PLPPR1: variants seen among roughly 807,000 people sequenced by gnomAD.
The protein encoded by PLPPR1 is phospholipid phosphatase related 1.
A neutral mutation model predicts 33.1 loss-of-function variants in PLPPR1; 10 were observed. The observed-to-expected ratio is 0.30, with a 90% CI of 0.19 to 0.51. The LOEUF is 0.51. Ranked by LOEUF, PLPPR1 falls within the 20% of genes least tolerant of loss-of-function variation. PLPPR1 has a pLI of 0.97. For synonymous variants in PLPPR1, 151 were observed against 151.0 expected (o/e 1.00, Z 0.00); for missense variants, 304 against 408.1 (o/e 0.74, Z 2.20).
At chr9:101,287,811 A>T (rs1238051916) in intron 4 of PLPPR1, among the ~76,000 whole-genome samples, 1 of 152,060 alleles carries the variant, frequency 6.6e-6, no homozygotes, top group Non-Finnish European at 1.5e-5. Flanking sequence ...CCTGTAACGT[A>T]TTTCATAGTC....
At chr9:101,104,637 TG>T (rs1365381851) in intron 1 of PLPPR1, among the ~76,000 whole-genome samples, 2 of 111,322 alleles carry the variant, frequency 1.8e-5, no homozygotes, top group African/African-American at 3.9e-5. Flanking sequence ...TGCCCGGCTT[TG>T]GTATCAGAAT....
intron 7 of PLPPR1, among the ~76,000 whole-genome samples, chr9:101,321,741 T>C (rs1042178582): frequency 6.7e-6 from 1 of 148,266 alleles, no homozygotes; most frequent in African/African-American, 2.4e-5. Context: ...ATATATATAA[T>C]TATATAAAAT....
chr9:101,317,745 A>G (rs549280438), intron 7 of PLPPR1, among the ~76,000 whole-genome samples: 3 of 152,336 alleles, frequency 2.0e-5, no homozygotes, highest in East Asian at 3.9e-4. Context: ...TAGCTGTTTC[A>G]GGATACTTTG....
intron 2 of PLPPR1, among the ~76,000 whole-genome samples, chr9:101,195,618 C>T (rs1418896297): frequency 6.6e-6 from 1 of 152,066 alleles, no homozygotes; most frequent in Non-Finnish European, 1.5e-5. Flanking sequence ...TTCCTTATGA[C>T]TCTGAATACC....
intron 1 of PLPPR1, among the ~76,000 whole-genome samples, chr9:101,044,398 A>G (rs1295847632): frequency 1.3e-5 from 2 of 152,128 alleles, no homozygotes; most frequent in African/African-American, 4.8e-5. Context: ...GTGTGCTGTA[A>G]AGAGTGTGAG....
chr9:101,191,954 T>A (rs1826303735), intron 2 of PLPPR1, among the ~76,000 whole-genome samples: 1 of 152,192 alleles, frequency 6.6e-6, no homozygotes. Context: ...TTATTGCCTA[T>A]TTTTGACAAC....
intron 5 of PLPPR1, among the ~76,000 whole-genome samples, chr9:101,311,181 A>C (rs943567858): frequency 6.6e-6 from 1 of 152,210 alleles, no homozygotes; most frequent in Non-Finnish European, 1.5e-5. Flanking sequence ...ATAATAAACT[A>C]CTGTCTCAAC....
At chr9:101,078,191 G>GGA (rs1199199025) in intron 1 of PLPPR1, among the ~76,000 whole-genome samples, 1 of 21,036 alleles carries the variant, frequency 4.8e-5, no homozygotes, top group African/African-American at 2.4e-4. Flanking sequence ...AGAAGAGGAG[G>GGA]GGGGGAGGGG....
intron 1 of PLPPR1, among the ~76,000 whole-genome samples, chr9:101,051,350 A>G (rs576154238): frequency 6.6e-6 from 1 of 151,946 alleles, no homozygotes; most frequent in Non-Finnish European, 1.5e-5. Context: ...TTATTGCCCC[A>G]TTACTCAACA....
chr9:101,158,766 C>G, intron 1 of PLPPR1, among the ~76,000 whole-genome samples: 1 of 152,182 alleles, frequency 6.6e-6, no homozygotes, highest in East Asian at 1.9e-4. Context: ...GGTGACTGAG[C>G]AATTATCCTC....
At chr9:101,285,103 C>T (rs1445493506) in intron 3 of PLPPR1, among the ~76,000 whole-genome samples, 1 of 152,138 alleles carries the variant, frequency 6.6e-6, no homozygotes, top group Non-Finnish European at 1.5e-5. Flanking sequence ...CCTGAAAAGA[C>T]TATGCTGAAG....
chr9:101,283,562 TAGA>T (rs1828339515), intron 3 of PLPPR1, among the ~76,000 whole-genome samples: 1 of 152,158 alleles, frequency 6.6e-6, no homozygotes, highest in African/African-American at 2.4e-5. Context: ...AGGTCTTACA[TAGA>T]AGAAAAGCTT....
intron 1 of PLPPR1, among the ~76,000 whole-genome samples, chr9:101,074,860 A>G (rs1004423952): frequency 6.6e-6 from 1 of 152,176 alleles, no homozygotes. Context: ...TACAGATACA[A>G]GTTTATGAAG....
rs35688096 is a variant in PLPPR1 at position 101,050,124 on chromosome 9, GAA to G, written c.-46+21045_-46+21046del. Among the ~76,000 whole-genome samples, 5 of 35,192 alleles carry G rather than the reference GAA, an allele frequency of 1.4e-4. No homozygotes were observed. In the East Asian group the frequency reaches 2.1e-3, roughly 15 times the overall value. 23.1% of individuals were successfully genotyped at this position (35,192 alleles called of 152,430 possible). ...TGCAACAGAGTGAGACTCCAACTCA[GAA>G]AAAAAAAAAAAAAAAAAAAAAAGAG... On this transcript the variant is annotated intron_variant, in intron 1 of 7. Transcript: ENST00000374874.
At chr9:101,233,918 C>T (rs1827241636) in intron 2 of PLPPR1, among the ~76,000 whole-genome samples, 2 of 151,866 alleles carry the variant, frequency 1.3e-5, no homozygotes, top group African/African-American at 4.8e-5. Flanking sequence ...GCTTTGCCAC[C>T]ATGTAATTCC....
chr9:101,081,460 T>A (rs1186179755), intron 1 of PLPPR1, among the ~76,000 whole-genome samples: 1 of 152,180 alleles, frequency 6.6e-6, no homozygotes, highest in Non-Finnish European at 1.5e-5. Flanking sequence ...CCCAAAGTGC[T>A]GGGATTACAG....
intron 7 of PLPPR1, among the ~76,000 whole-genome samples, chr9:101,319,888 G>A (rs1829123018): frequency 6.6e-6 from 1 of 152,168 alleles, no homozygotes; most frequent in South Asian, 2.1e-4. Flanking sequence ...GCTATCCCCC[G>A]AATATCCTGA....
intron 1 of PLPPR1, among the ~76,000 whole-genome samples, chr9:101,048,539 C>T (rs545895514): frequency 3.9e-5 from 6 of 152,126 alleles, no homozygotes; most frequent in Non-Finnish European, 8.8e-5. Context: ...AGAAATGGGG[C>T]TTAGAGTGAG....
At chr9:101,056,338 T>A (rs1331538075) in intron 1 of PLPPR1, among the ~76,000 whole-genome samples, 2 of 152,150 alleles carry the variant, frequency 1.3e-5, no homozygotes, top group Non-Finnish European at 2.9e-5. Context: ...TAAGTTACAG[T>A]GATAGATTTT....
Sources: allele counts gnomAD v4.1 joint callset (sites outside exome capture counted in the v4.1 genomes callset), GRCh38; gene constraint gnomAD v4.1.1; transcripts MANE v1.5; gene names NCBI Gene and HGNC (gene_info 2026-07-23, HGNC 2026-07-21).